Variants in MAPK10 observed in about 807,000 individuals in gnomAD.
The protein encoded by MAPK10 is mitogen-activated protein kinase 10.
A neutral mutation model predicts 59.3 loss-of-function variants in MAPK10; 25 were observed. The ratio of observed to expected loss-of-function variants is 0.42; its 90% CI spans 0.31 to 0.59. The LOEUF is 0.59. Among genes scored for constraint, MAPK10 ranks in the 20% least tolerant of loss-of-function variants. The pLI, the probability that MAPK10 is intolerant of heterozygous loss-of-function variation, is 0.15. For synonymous variants in MAPK10, 190 were observed against 200.5 expected (o/e 0.95, Z 0.44); for missense variants, 351 against 568.9 (o/e 0.62, Z 3.90).
intron 1 of MAPK10, among the ~76,000 whole-genome samples, chr4:86,396,328 G>C (rs962080279): frequency 6.6e-6 from 1 of 152,162 alleles, no homozygotes; most frequent in Non-Finnish European, 1.5e-5. Flanking sequence ...GCCTGGGCAA[G>C]AGTGCGAGAC....
chr4:86,360,655 C>T (rs865915166), upstream of MAPK10, among the ~76,000 whole-genome samples: 2 of 152,068 alleles, frequency 1.3e-5, no homozygotes, highest in South Asian at 2.1e-4. Flanking sequence ...TTTGAGTTAA[C>T]ACATCAGAAT....
chr4:86,426,845 T>C (rs1053930786), intron 1 of MAPK10, among the ~76,000 whole-genome samples: 6 of 152,042 alleles, frequency 3.9e-5, no homozygotes, highest in Non-Finnish European at 7.4e-5. Context: ...GTTTAATGAA[T>C]GTAAAGTATT....
intron 2 of MAPK10, among the ~76,000 whole-genome samples, chr4:86,276,049 A>G (rs1210800678): frequency 6.6e-6 from 1 of 152,096 alleles, no homozygotes; most frequent in Non-Finnish European, 1.5e-5. Context: ...CATACTTTTG[A>G]TCTTCACTGT....
At chr4:86,488,067 A>G (rs1451457313) in intron 1 of MAPK10, among the ~76,000 whole-genome samples, 2 of 152,250 alleles carry the variant, frequency 1.3e-5, no homozygotes, top group East Asian at 1.9e-4. Context: ...GAATGAGGCA[A>G]GTTTTTCCCT....
intron 3 of MAPK10, among the ~76,000 whole-genome samples, chr4:86,188,940 G>A (rs904581764): frequency 1.3e-5 from 2 of 152,150 alleles, no homozygotes; most frequent in African/African-American, 4.8e-5. Context: ...TAAGGTGTAA[G>A]GAAAGGGTCC....
At chr4:86,054,977 C>T (rs953140333) in intron 11 of MAPK10, among the ~76,000 whole-genome samples, 2 of 152,158 alleles carry the variant, frequency 1.3e-5, no homozygotes, top group Admixed American at 6.6e-5. Context: ...ATAAGGACAT[C>T]TGGTCGAAAA....
intron 2 of MAPK10, among the ~76,000 whole-genome samples, chr4:86,316,135 C>T (rs2095783248): frequency 6.6e-6 from 1 of 152,058 alleles, no homozygotes; most frequent in African/African-American, 2.4e-5. Context: ...TTTCATTCCT[C>T]CAGAATCGAT....
At chr4:86,396,901 A>G (rs986116105) in intron 1 of MAPK10, among the ~76,000 whole-genome samples, 3 of 152,218 alleles carry the variant, frequency 2.0e-5, no homozygotes, top group Non-Finnish European at 4.4e-5. Flanking sequence ...ACTTACTAGT[A>G]ATTTTTATAT....
chr4:86,148,168 G>A (rs2065467125), intron 4 of MAPK10, among the ~76,000 whole-genome samples: 1 of 152,168 alleles, frequency 6.6e-6, no homozygotes, highest in Non-Finnish European at 1.5e-5. Flanking sequence ...AGAGATGTAA[G>A]TATAACATGT....
In MAPK10 at chr4:86,416,876, T is replaced by C. The variant is rs114622536; in HGVS notation, c.-122+36154A>G. On this transcript the variant is annotated intron_variant, in intron 1 of 13. Coordinates refer to the MAPK10 transcript ENST00000361569. ...AACACTGGGACCATGTGTGGAATCA[T>C]TGCTTTCCCCCCACCATCTCAAGAG... is the stretch of plus-strand genomic sequence containing the variant. Among the ~76,000 whole-genome samples, 743 of 152,242 alleles carry C rather than the reference T, an allele frequency of 4.9e-3. 8 individuals are homozygous for C. The highest frequency in any genetic ancestry group is 0.017 in the African/African-American group (697 of 41,534).
At chr4:86,227,615 T>C (rs1178505909) in intron 2 of MAPK10, among the ~76,000 whole-genome samples, 2 of 152,104 alleles carry the variant, frequency 1.3e-5, no homozygotes, top group Non-Finnish European at 2.9e-5. Context: ...ATTTGGAGAT[T>C]ATGTATGACC....
chr4:86,251,355 G>GGGGGAAAACAAA (rs2093415706), intron 2 of MAPK10, among the ~76,000 whole-genome samples: 1 of 151,094 alleles, frequency 6.6e-6, no homozygotes, highest in African/African-American at 2.4e-5. Context: ...TCCCCAGAGT[G>GGGGGAAAACAAA]TGATATTCCC....
At chr4:86,450,452 G>A (rs537023663) in intron 1 of MAPK10, among the ~76,000 whole-genome samples, 1 of 152,128 alleles carries the variant, frequency 6.6e-6, no homozygotes, top group African/African-American at 2.4e-5. Flanking sequence ...TTTTATAAAT[G>A]TAAGAGTCTA....
intron 3 of MAPK10, among the ~76,000 whole-genome samples, chr4:86,179,108 A>C (rs1423680870): frequency 6.6e-6 from 1 of 152,136 alleles, no homozygotes; most frequent in Non-Finnish European, 1.5e-5. Context: ...ATACTGAGGC[A>C]GGAGAATCAC....
At chr4:86,430,171 A>T (rs1043178512) in intron 1 of MAPK10, among the ~76,000 whole-genome samples, 1 of 152,222 alleles carries the variant, frequency 6.6e-6, no homozygotes. Flanking sequence ...CTACGTACCC[A>T]TGTAGATTCC....
At chr4:86,077,212 A>C (rs984746164) in intron 9 of MAPK10, among the ~76,000 whole-genome samples, 6 of 152,172 alleles carry the variant, frequency 3.9e-5, no homozygotes, top group African/African-American at 1.4e-4. Context: ...AGAATAAAAC[A>C]AAGTAAATAT....
chr4:86,532,923 T>G (rs1757947986), intron 1 of MAPK10, among the ~76,000 whole-genome samples: 1 of 152,190 alleles, frequency 6.6e-6, no homozygotes, highest in South Asian at 2.1e-4. Context: ...GATTGGGGCC[T>G]TTGTGTTGGC....
intron 4 of MAPK10, among the ~76,000 whole-genome samples, chr4:86,120,765 C>A (rs1394454771): frequency 1.3e-5 from 2 of 152,062 alleles, no homozygotes; most frequent in Admixed American, 1.3e-4. Flanking sequence ...TGCCAGGCTG[C>A]CAATTGATAG....
Position 86,145,361 on chromosome 4 carries a change from C to CAAA in MAPK10, c.236+13934_236+13936dup, listed in dbSNP as rs1166418131. Among the ~76,000 whole-genome samples, 190 of 55,286 alleles carry CAAA rather than the reference C, an allele frequency of 3.4e-3. 9 individuals carry two copies. Among genetic ancestry groups the CAAA allele is most frequent in the South Asian group, 5.8e-3 (8 of 1,386 alleles). The allele number at this position is 55,286 out of a possible 152,430, so 36.3% of individuals were successfully genotyped here. On this transcript the variant is annotated intron_variant, in intron 4 of 13. Coordinates refer to ENST00000641462, the MANE Select transcript of MAPK10 (RefSeq NM_138982.4). ...TGGGCTACAGAGCGAGACACCGTCT[C>CAAA]AAAAAAAAAAAAAAAAAAAAAAAAT...
Sources: gnomAD v4.1 joint callset for allele counts (sites outside exome capture counted in the v4.1 genomes callset) on GRCh38, gnomAD v4.1.1 for gene constraint, MANE v1.5 for transcripts, NCBI Gene and HGNC (gene_info 2026-07-23, HGNC 2026-07-21) for gene names.